Variants in BDP1 observed in about 807,000 individuals in gnomAD.
BDP1 encodes the protein BDP1 general transcription factor IIIB subunit.
BDP1 carries 169 observed loss-of-function variants against 266.6 expected under a neutral mutation model. The ratio of observed to expected loss-of-function variants is 0.63; its 90% CI spans 0.56 to 0.72. The LOEUF (loss-of-function observed/expected upper bound fraction) is 0.72. BDP1 is among the 30% of genes least tolerant of loss of function. The pLI is 0.00. For synonymous variants in BDP1, 1,090 were observed against 1,022.4 expected, an observed-to-expected ratio of 1.07 and a Z score of -1.26; for missense variants, 3,015 against 3,053.8, an observed-to-expected ratio of 0.99 and a Z score of 0.30.
chr5:71,544,232 G>T, intron 30 of BDP1, 125 bp from the exon 31 acceptor site: 1 of 822,590 alleles, frequency 1.2e-6, no homozygotes, highest in East Asian at 2.6e-5. Context: ...CCTGATTTGT[G>T]GAATAAGAGA....
At chr5:71,481,252 T>C (rs1762944930) in intron 7 of BDP1, among the ~76,000 whole-genome samples, 1 of 151,876 alleles carries the variant, frequency 6.6e-6, no homozygotes, top group Non-Finnish European at 1.5e-5. Context: ...TTTTCTTTTT[T>C]TTTTTAAAGC....
At position 71,495,398 on chromosome 5, in the gene BDP1, A is replaced by C; in HGVS notation, c.1789A>C (p.Asn597His). 1 of 1,574,942 alleles carries C rather than the reference A, an allele frequency of 6.3e-7. No individual in the cohort carries two copies. The highest frequency in any genetic ancestry group is 8.6e-7 in the Non-Finnish European group (1 of 1,158,988). Reference protein sequence around the residue: ...CIEERNVDLKNNSLEIDQTEN... With the variant: ...CIEERNVDLKHNSLEIDQTEN... ...AGAAGAAAGAAATGTTGACCTAAAA[A>C]ATAATTCACTGTAAGTATTTTATAC... The change falls in exon 12 of 39, where the codon AAT becomes CAT. Residue 597 changes from asparagine to histidine, a missense_variant. Around this residue, in one of 3 missense-constraint regions of BDP1, gnomAD observed 2,383 missense variants for 2,404.9 expected, o/e 0.99. Transcript: ENST00000358731.
intron 17 of BDP1, among the ~76,000 whole-genome samples, chr5:71,511,993 C>T (rs1342829522): frequency 2.1e-5 from 3 of 144,348 alleles, no homozygotes; most frequent in African/African-American, 7.6e-5. Flanking sequence ...TTTTCAAGGA[C>T]TTTTTTTTTT....
chr5:71,525,599 A>C (rs6862113), intron 25 of BDP1, among the ~76,000 whole-genome samples: 35,360 of 57,444 alleles, frequency 0.62, 9,713 homozygotes, highest in East Asian at 0.74. Flanking sequence ...CTGACCCCCC[A>C]ACCTCCTTCC....
At chr5:71,516,002 A>T in intron 20 of BDP1, 59 bp from the exon 21 acceptor site, 1 of 1,254,850 alleles carries the variant, frequency 8.0e-7, no homozygotes, top group Non-Finnish European at 1.1e-6. Context: ...ACATTTTTAC[A>T]TTAGTTTTCA....
chr5:71,554,390 G>A (rs1187155329), intron 35 of BDP1, among the ~76,000 whole-genome samples: 3 of 151,964 alleles, frequency 2.0e-5, no homozygotes, highest in African/African-American at 7.3e-5. Flanking sequence ...TTCCCAGTTT[G>A]TCATTGTCTC....
In BDP1 at chr5:71,512,400, C is replaced by A. The variant is rs761577146; in HGVS notation, c.4219C>A (p.Pro1407Thr). 2 of 1,567,748 alleles carry A rather than the reference C, an allele frequency of 1.3e-6. No individual in the cohort carries two copies. Among genetic ancestry groups the A allele is most frequent in the Non-Finnish European group, 1.7e-6 (2 of 1,165,822 alleles). The stretch of plus-strand genomic sequence containing the variant: ...CCAGGGGATTCAATCTCCAGATGTT[C>A]CAGAGCAGTTTTCAGATATTAATTT... ...EVQGIQSPDV[P>T]EQFSDINLSK... The change falls in exon 18 of 39, where the codon CCA becomes ACA. Residue 1407 changes from proline (P) to threonine (T), a missense_variant. Physicochemically the swap from Pro to Thr is conservative, Grantham distance 38. Transcript: ENST00000358731.
chr5:71,529,472 G>C (rs533058437), intron 25 of BDP1, among the ~76,000 whole-genome samples: 2 of 152,238 alleles, frequency 1.3e-5, no homozygotes, highest in South Asian at 4.1e-4. Flanking sequence ...CGGAGGATCA[G>C]TTGAGGGCAG....
chr5:71,552,703 GC>G (rs1172761188), intron 34 of BDP1, among the ~76,000 whole-genome samples: 4 of 149,122 alleles, frequency 2.7e-5, no homozygotes, highest in African/African-American at 9.8e-5. Context: ...GCCTGCAATC[GC>G]AGGCACTCGG....
intron 7 of BDP1, among the ~76,000 whole-genome samples, chr5:71,483,079 G>A (rs1763054219): frequency 6.6e-6 from 1 of 151,974 alleles, no homozygotes; most frequent in African/African-American, 2.4e-5. Context: ...TACTTCCTTT[G>A]TTTTATGTGA....
At chr5:71,554,687 A>T (rs1441181971) in intron 35 of BDP1, among the ~76,000 whole-genome samples, 3 of 152,208 alleles carry the variant, frequency 2.0e-5, no homozygotes, top group African/African-American at 4.8e-5. Context: ...CAGTGGTGTG[A>T]ATATGTAAGA....
chr5:71,480,146 C>G (rs1762856369), intron 7 of BDP1, among the ~76,000 whole-genome samples: 1 of 149,780 alleles, frequency 6.7e-6, no homozygotes, highest in Non-Finnish European at 1.5e-5. Flanking sequence ...GAGTCTCACT[C>G]TGTCGCCAGG....
intron 14 of BDP1, 50 bp from the exon 15 acceptor site, chr5:71,502,549 A>T: frequency 6.9e-7 from 1 of 1,440,798 alleles, no homozygotes; most frequent in Non-Finnish European, 9.4e-7. Context: ...AGGGAGAAGG[A>T]AATTGGTGAC....
At chr5:71,484,684 G>GT (rs1238848531) in intron 8 of BDP1, among the ~76,000 whole-genome samples, 1 of 152,110 alleles carries the variant, frequency 6.6e-6, no homozygotes, top group Non-Finnish European at 1.5e-5. Context: ...GTTAAAAATA[G>GT]TTCTTGTATT....
At chr5:71,519,929 G>A (rs1765413023) in intron 22 of BDP1, among the ~76,000 whole-genome samples, 1 of 151,892 alleles carries the variant, frequency 6.6e-6, no homozygotes, top group Non-Finnish European at 1.5e-5. Context: ...ATATTCCCAC[G>A]AACAGCCTAT....
chr5:71,540,455 G>A (rs1766898719), intron 28 of BDP1, among the ~76,000 whole-genome samples: 1 of 152,088 alleles, frequency 6.6e-6, no homozygotes, highest in Non-Finnish European at 1.5e-5. Context: ...AGCCTCTCAA[G>A]TAGTTGGGAT....
In BDP1 at chr5:71,534,767, G is replaced by A. The variant is rs192816665; in HGVS notation, c.5892+2340G>A. Among the ~76,000 whole-genome samples the A allele has an allele frequency of 5.4e-3, 822 of 152,168 alleles. 11 individuals carry two copies. Among genetic ancestry groups the A allele is most frequent in the African/African-American group, 0.018 (766 of 41,508 alleles). ...AGCAATTCTCCTGTCTCAGCTTCCCGAGTAGCTGGGATTACAGGCATATGC... is the reference window on the plus strand; with the variant it reads ...AGCAATTCTCCTGTCTCAGCTTCCCAAGTAGCTGGGATTACAGGCATATGC... On this transcript the variant is annotated intron_variant, in intron 26 of 38. Coordinates refer to ENST00000358731, the MANE Select transcript of BDP1 (RefSeq NM_018429.3).
At chr5:71,457,660 A>G (rs1272445965) in intron 1 of BDP1, among the ~76,000 whole-genome samples, 3 of 151,912 alleles carry the variant, frequency 2.0e-5, no homozygotes, top group South Asian at 2.1e-4. Flanking sequence ...ACTCTATAGG[A>G]TATATATTCT....
chr5:71,457,083 A>T (rs1761235190), intron 1 of BDP1, among the ~76,000 whole-genome samples: 1 of 152,116 alleles, frequency 6.6e-6, no homozygotes, highest in African/African-American at 2.4e-5. Flanking sequence ...CAGAAAGGAG[A>T]TACCGATACT....
Sources: gnomAD v4.1 joint callset for allele counts (sites outside exome capture counted in the v4.1 genomes callset) on GRCh38, gnomAD v4.1.1 for gene constraint, gnomAD v4.1.1 regional missense constraint, MANE v1.5 for transcripts, NCBI Gene and HGNC (gene_info 2026-07-23, HGNC 2026-07-21) for gene names.